RGS6: variants seen among roughly 807,000 people sequenced by gnomAD.
RGS6 encodes regulator of G-protein signaling 6.
In RGS6, 30 loss-of-function variants were observed where a neutral mutation model predicts 78.5. The ratio of observed to expected loss-of-function variants is 0.38; its 90% confidence interval spans 0.29 to 0.52. The LOEUF (loss-of-function observed/expected upper bound fraction) is 0.52. Among genes scored for constraint, RGS6 ranks in the 20% least tolerant of loss-of-function variants. RGS6 has a pLI of 0.85. For missense variants in RGS6, 495 were observed against 609.7 expected (o/e 0.81, Z 1.98); for synonymous variants, 206 against 206.0 (o/e 1.00, Z 0.00).
chr14:72,037,264 G>A (rs76187636), intron 2 of RGS6, among the ~76,000 whole-genome samples: 7,506 of 152,232 alleles, frequency 0.049, 269 homozygotes, highest in African/African-American at 0.097. Flanking sequence ...CAACCTGCTC[G>A]GGTCCCTTCC....
chr14:72,539,788 C>A (rs557556529), intron 16 of RGS6, among the ~76,000 whole-genome samples: 1 of 152,206 alleles, frequency 6.6e-6, no homozygotes, highest in Non-Finnish European at 1.5e-5. Flanking sequence ...TCATGGCCCC[C>A]GGAGAAGCAA....
intron 2 of RGS6, among the ~76,000 whole-genome samples, chr14:72,152,813 A>G (rs754193830): frequency 6.6e-6 from 1 of 152,168 alleles, no homozygotes; most frequent in East Asian, 1.9e-4. Flanking sequence ...TTTAGCTAAC[A>G]TCTGGGTCCT....
At chr14:71,956,495 GA>G (rs953072462) in intron 1 of RGS6, among the ~76,000 whole-genome samples, 1 of 152,108 alleles carries the variant, frequency 6.6e-6, no homozygotes, top group African/African-American at 2.4e-5. Flanking sequence ...GGAAGAAGGA[GA>G]GCCAGTCCGA....
At chr14:72,413,704 CTG>C (rs1393536231) in intron 3 of RGS6, among the ~76,000 whole-genome samples, 7 of 152,246 alleles carry the variant, frequency 4.6e-5, no homozygotes, top group African/African-American at 9.6e-5. Flanking sequence ...GTGGCTGGTA[CTG>C]CGGTTGTTCC....
chr14:72,024,651 GA>G (rs570155851), intron 2 of RGS6, among the ~76,000 whole-genome samples: 227 of 152,252 alleles, frequency 1.5e-3, no homozygotes, highest in Middle Eastern at 6.8e-3. Flanking sequence ...GAAATTCTCA[GA>G]AAAGTCCCAC....
intron 3 of RGS6, among the ~76,000 whole-genome samples, chr14:72,369,951 T>G (rs1351811394): frequency 6.6e-6 from 1 of 152,286 alleles, no homozygotes; most frequent in East Asian, 1.9e-4. Context: ...ATGCTTCCAT[T>G]GCTTTGATTT....
chr14:71,979,421 A>G (rs1179526205), intron 2 of RGS6, among the ~76,000 whole-genome samples: 1 of 150,610 alleles, frequency 6.6e-6, no homozygotes, highest in Non-Finnish European at 1.5e-5. Context: ...ATTTCCCTCT[A>G]CACACTGCTT....
chr14:72,513,185 G>C lies in RGS6; in HGVS notation c.1091+2906G>C, dbSNP rs181556941. 3.2e-4 allele frequency among the ~76,000 whole-genome samples: 48 copies of C among 152,320 alleles called. No homozygotes were observed. In the East Asian group the frequency reaches 8.9e-3, roughly 28 times the overall value. On this transcript the variant is annotated intron_variant, in intron 14 of 17. Coordinates refer to ENST00000553525, the MANE Select transcript of RGS6 (RefSeq NM_001204424.2). ...ATCTCTCCAGTGAAAGGGCTGCTTA[G>C]ATCATAACATTCTTGCACAACCCAC...
At chr14:72,332,105 G>C (rs1567777806) in intron 2 of RGS6, among the ~76,000 whole-genome samples, 1 of 152,200 alleles carries the variant, frequency 6.6e-6, no homozygotes, top group Non-Finnish European at 1.5e-5. Flanking sequence ...AAGTTCCTTA[G>C]GAGGTGCAGC....
chr14:72,548,512 G>T (rs1440576179), intron 17 of RGS6, among the ~76,000 whole-genome samples: 1 of 152,170 alleles, frequency 6.6e-6, no homozygotes, highest in Non-Finnish European at 1.5e-5. Context: ...TTTCCAAAGG[G>T]CAGCTTTAGG....
chr14:72,535,072 A>G (rs2153495622), intron 15 of RGS6, among the ~76,000 whole-genome samples: 1 of 152,316 alleles, frequency 6.6e-6, no homozygotes, highest in South Asian at 2.1e-4. Context: ...TGGATAAATA[A>G]TCTTGCCCAC....
chr14:72,471,094 C>T (rs28670018), intron 8 of RGS6, among the ~76,000 whole-genome samples: 1,812 of 152,120 alleles, frequency 0.012, 38 homozygotes, highest in African/African-American at 0.042. Context: ...AGATGGGGGC[C>T]CAGAGAGGGA....
rs554923304 is a variant in RGS6, at chr14:71,999,440, AAGT to A, written c.84+34569_84+34571del. 2.2e-4 allele frequency among the ~76,000 whole-genome samples: 34 copies of A among 152,362 alleles called. 1 individual carries two copies. In the South Asian group the frequency reaches 4.4e-3, roughly 19 times the overall value. On this transcript the variant is annotated intron_variant, in intron 2 of 17. Transcript: ENST00000553525. ...GGAGAAATCAGAAGTATGATGGTGAAAGTAGTTTTAGCTAGATGTTGAAGAAAG... is the reference window on the plus strand; with the variant it reads ...GGAGAAATCAGAAGTATGATGGTGAAAGTTTTAGCTAGATGTTGAAGAAAG...
At chr14:71,869,681 C>T in the RGS6 span, among the ~76,000 whole-genome samples, 1 of 152,086 alleles carries the variant, frequency 6.6e-6, no homozygotes, top group Non-Finnish European at 1.5e-5. Context: ...TTTTGCTGAA[C>T]CCTAAAACTT....
At chr14:72,372,094 G>C (rs2083625154) in intron 3 of RGS6, among the ~76,000 whole-genome samples, 1 of 152,154 alleles carries the variant, frequency 6.6e-6, no homozygotes, top group African/African-American at 2.4e-5. Flanking sequence ...AGTTGAATTT[G>C]TTACTCTGTT....
At chr14:72,021,517 G>A (rs1019586250) in intron 2 of RGS6, among the ~76,000 whole-genome samples, 13 of 133,986 alleles carry the variant, frequency 9.7e-5, no homozygotes, top group African/African-American at 3.7e-4. Flanking sequence ...CACCTGGGCT[G>A]GAGTGCAATG....
intron 1 of RGS6, among the ~76,000 whole-genome samples, chr14:71,944,934 G>A (rs1420546157): frequency 6.6e-6 from 1 of 152,142 alleles, no homozygotes; most frequent in African/African-American, 2.4e-5. Flanking sequence ...GAATACTGTA[G>A]GCAATTGTAG....
chr14:71,869,500 A>G, the RGS6 span, among the ~76,000 whole-genome samples: 2 of 152,182 alleles, frequency 1.3e-5, no homozygotes, highest in Admixed American at 1.3e-4. Flanking sequence ...TTACTCTCTA[A>G]ACACTGTTGC....
Position 72,053,244 on chromosome 14 carries a change from C to T in RGS6, c.84+88369C>T, listed in dbSNP as rs545994276. 6.6e-5 allele frequency among the ~76,000 whole-genome samples: 10 copies of T among 150,580 alleles called. No homozygotes were observed. In the South Asian group the frequency reaches 1.3e-3, roughly 19 times the overall value. Reference sequence around the variant, plus strand: ...GAGCGATTCTCCTGCCTCAACCTCCCGAGTAGCTGGGGCTACAGCTGCCCA... The same window carrying T: ...GAGCGATTCTCCTGCCTCAACCTCCTGAGTAGCTGGGGCTACAGCTGCCCA... On this transcript the variant is annotated intron_variant, in intron 2 of 17. Coordinates refer to ENST00000553525, the MANE Select transcript of RGS6 (RefSeq NM_001204424.2).
Sources: allele counts gnomAD v4.1 joint callset (sites outside exome capture counted in the v4.1 genomes callset), GRCh38; gene constraint gnomAD v4.1.1; transcripts MANE v1.5; gene names NCBI Gene and HGNC (gene_info 2026-07-23, HGNC 2026-07-21).